GALNTL6: variants seen among roughly 807,000 people sequenced by gnomAD.
GALNTL6 encodes polypeptide N-acetylgalactosaminyltransferase like 6.
A neutral mutation model predicts 73.7 loss-of-function variants in GALNTL6; 46 were observed. That is an observed-to-expected ratio of 0.62 (90% CI 0.49 to 0.80). GALNTL6 has a LOEUF of 0.80. GALNTL6 is among the 30% of genes least tolerant of loss of function. The pLI is 0.00. For synonymous variants in GALNTL6, 259 were observed against 263.7 expected (o/e 0.98, Z 0.17); for missense variants, 604 against 755.0 (o/e 0.80, Z 2.34).
chr4:172,651,865 T>C (rs1740489876), intron 5 of GALNTL6, among the ~76,000 whole-genome samples: 1 of 152,140 alleles, frequency 6.6e-6, no homozygotes, highest in Non-Finnish European at 1.5e-5. Flanking sequence ...TTCTGAAAAT[T>C]TGAACCATAA....
chr4:172,665,231 T>G (rs1731594258), intron 5 of GALNTL6, among the ~76,000 whole-genome samples: 1 of 152,186 alleles, frequency 6.6e-6, no homozygotes, highest in Non-Finnish European at 1.5e-5. Context: ...GCTGTATCCA[T>G]CGGATTAGGC....
rs1741504114 is a variant in GALNTL6, at chr4:172,814,720, C to G, written c.923+997C>G. Among the ~76,000 whole-genome samples, 3 of 152,246 alleles carry G rather than the reference C, an allele frequency of 2.0e-5. No individual in the cohort carries two copies. The South Asian group carries it at 6.2e-4, about 32-fold the overall frequency. The stretch of plus-strand genomic sequence containing the variant: ...ACGAAAACCACTTCCTTGACACTAA[C>G]AGTTTAAATTACAATCAACATTTCA... On this transcript the variant is annotated intron_variant, in intron 7 of 12. Transcript: ENST00000506823.
At chr4:171,983,701 T>A (rs1261432652) in intron 2 of GALNTL6, among the ~76,000 whole-genome samples, 1 of 152,028 alleles carries the variant, frequency 6.6e-6, no homozygotes, top group Non-Finnish European at 1.5e-5. Context: ...ATTTGTGTTT[T>A]GTAAGTTAAG....
At chr4:171,912,140 G>T (rs1002636407) in intron 2 of GALNTL6, among the ~76,000 whole-genome samples, 2 of 152,008 alleles carry the variant, frequency 1.3e-5, no homozygotes, top group African/African-American at 4.8e-5. Flanking sequence ...ATCACTAAAG[G>T]AAATTAAAGA....
chr4:172,437,969 A>G (rs776939541), intron 5 of GALNTL6, among the ~76,000 whole-genome samples: 2 of 152,046 alleles, frequency 1.3e-5, no homozygotes, highest in Admixed American at 6.6e-5. Context: ...TGTTAAAAGA[A>G]CCATTTTCAC....
Position 172,888,162 on chromosome 4 carries a change from C to G in GALNTL6, c.1041+5255C>G, listed in dbSNP as rs754350268. Among the ~76,000 whole-genome samples the G allele has an allele frequency of 1.3e-4, 20 of 152,132 alleles. 1 individual carries two copies. The highest frequency in any genetic ancestry group is 4.4e-5 in the Non-Finnish European group (3 of 68,018). The stretch of plus-strand genomic sequence containing the variant: ...TGTTTGTGTACTCTGTTGATAGTTT[C>G]TTTTGCTGTGAAGAAGCTCTTAAGT... On this transcript the variant is annotated intron_variant, in intron 8 of 12. Transcript: ENST00000506823.
chr4:172,043,824 A>T (rs552513632), intron 2 of GALNTL6, among the ~76,000 whole-genome samples: 1 of 152,196 alleles, frequency 6.6e-6, no homozygotes, highest in East Asian at 1.9e-4. Flanking sequence ...TTCAGCCATG[A>T]TTACAAGCAG....
In GALNTL6 at chr4:172,239,605, G is replaced by A. The variant is rs576725367; in HGVS notation, c.247+9841G>A. Among the ~76,000 whole-genome samples the A allele has an allele frequency of 3.3e-5, 5 of 151,712 alleles. No individual in the cohort carries two copies. The East Asian group carries it at 9.7e-4, about 29-fold the overall frequency. On this transcript the variant is annotated intron_variant, in intron 3 of 12. Transcript: ENST00000506823. ...TTCATTCGGTTCTGCTCCGATTTTGGTTATTTCTTGTCTTTTGCTAGCTTT... is the reference window on the plus strand; with the variant it reads ...TTCATTCGGTTCTGCTCCGATTTTGATTATTTCTTGTCTTTTGCTAGCTTT...
chr4:172,025,436 C>T (rs1741537977), intron 2 of GALNTL6, among the ~76,000 whole-genome samples: 1 of 151,980 alleles, frequency 6.6e-6, no homozygotes, highest in African/African-American at 2.4e-5. Context: ...GCCACTGCCT[C>T]TGTCATTAAT....
At chr4:172,457,637 T>A (rs1732446870) in intron 5 of GALNTL6, among the ~76,000 whole-genome samples, 1 of 152,102 alleles carries the variant, frequency 6.6e-6, no homozygotes. Flanking sequence ...TGTAAAGGGA[T>A]CAATGCAACA....
At chr4:172,415,492 G>T (rs184493749) in intron 5 of GALNTL6, among the ~76,000 whole-genome samples, 2 of 152,194 alleles carry the variant, frequency 1.3e-5, no homozygotes, top group Admixed American at 1.3e-4. Context: ...ATGGCTTTTT[G>T]CCCTGAATGG....
chr4:172,282,094 G>A lies in GALNTL6; in HGVS notation c.248-29520G>A, dbSNP rs188649693. Among the ~76,000 whole-genome samples the A allele has an allele frequency of 6.8e-3, 1,042 of 152,254 alleles. 5 individuals are homozygous for A. The highest frequency in any genetic ancestry group is 0.012 in the Non-Finnish European group (796 of 68,010). On this transcript the variant is annotated intron_variant, in intron 3 of 12. Coordinates refer to ENST00000506823, the MANE Select transcript of GALNTL6 (RefSeq NM_001034845.3). Reference sequence around the variant, plus strand: ...AATTAAAGCTTCTGTTCATCAAAATGTATTGAGTGAAAATACATCATACTA... The same window carrying A: ...AATTAAAGCTTCTGTTCATCAAAATATATTGAGTGAAAATACATCATACTA...
chr4:171,827,388 T>A (rs1186501893), intron 2 of GALNTL6, among the ~76,000 whole-genome samples: 3 of 152,154 alleles, frequency 2.0e-5, no homozygotes, highest in African/African-American at 7.2e-5. Context: ...GCCATACTCT[T>A]CTCAAGGCTC....
chr4:172,153,699 C>A (rs75568791), intron 2 of GALNTL6, among the ~76,000 whole-genome samples: 1,538 of 152,302 alleles, frequency 0.01, 26 homozygotes, highest in African/African-American at 0.035. Flanking sequence ...ACAGACCATA[C>A]AGGCTGATAC....
chr4:172,559,242 T>G (rs532942102), intron 5 of GALNTL6, among the ~76,000 whole-genome samples: 92 of 151,856 alleles, frequency 6.1e-4, no homozygotes, highest in African/African-American at 2.2e-3. Context: ...TTTTTTGTAT[T>G]TTTAGTAGAG....
At chr4:172,705,742 T>A (rs1380093232) in intron 5 of GALNTL6, among the ~76,000 whole-genome samples, 1 of 152,130 alleles carries the variant, frequency 6.6e-6, no homozygotes, top group African/African-American at 2.4e-5. Flanking sequence ...CTTTGTTGGG[T>A]ACACAATTCT....
intron 5 of GALNTL6, among the ~76,000 whole-genome samples, chr4:172,365,171 G>T (rs2111246705): frequency 6.6e-6 from 1 of 152,312 alleles, no homozygotes; most frequent in East Asian, 1.9e-4. Flanking sequence ...AGGGTTTAGG[G>T]AGAGAGCATA....
At chr4:172,537,034 T>C (rs1206997987) in intron 5 of GALNTL6, among the ~76,000 whole-genome samples, 2 of 152,222 alleles carry the variant, frequency 1.3e-5, no homozygotes, top group Admixed American at 6.5e-5. Flanking sequence ...ATTTACCCAA[T>C]GCTTGTACCC....
chr4:172,718,883 A>G (rs1037352092), intron 5 of GALNTL6, among the ~76,000 whole-genome samples: 1 of 151,738 alleles, frequency 6.6e-6, no homozygotes, highest in African/African-American at 2.4e-5. Context: ...GAATAAGAGA[A>G]TCTTCTTTAA....
Sources: gnomAD v4.1 joint callset for allele counts (sites outside exome capture counted in the v4.1 genomes callset) on GRCh38, gnomAD v4.1.1 for gene constraint, MANE v1.5 for transcripts, NCBI Gene and HGNC (gene_info 2026-07-23, HGNC 2026-07-21) for gene names.